The following EXT2 variants were observed in gnomAD, a reference collection of about 807,000 sequenced individuals.
EXT2 encodes the protein exostosin-2.
In EXT2, 53 loss-of-function variants were observed where a neutral mutation model predicts 81.6. The ratio of observed to expected loss-of-function variants is 0.65; its 90% confidence interval spans 0.52 to 0.82. EXT2 has a LOEUF of 0.82. EXT2 is among the 40% of genes least tolerant of loss of function. EXT2 has a pLI of 0.00. For missense variants in EXT2, 774 were observed against 910.2 expected (o/e 0.85, Z 1.93); for synonymous variants, 320 against 340.0 (o/e 0.94, Z 0.65).
intron 1 of EXT2, among the ~76,000 whole-genome samples, chr11:44,096,606 G>C (rs965583328): frequency 6.6e-6 from 1 of 152,122 alleles, no homozygotes; most frequent in Admixed American, 6.5e-5. Flanking sequence ...GTGTCGGGCC[G>C]GGGCCAGGGG....
intron 8 of EXT2, among the ~76,000 whole-genome samples, chr11:44,184,030 C>T (rs1590629124): frequency 2.0e-5 from 3 of 152,328 alleles, no homozygotes; most frequent in East Asian, 1.9e-4. Context: ...TGGAAATTCT[C>T]CCATCCTGGG....
intron 7 of EXT2, among the ~76,000 whole-genome samples, chr11:44,142,921 C>T (rs1954665027): frequency 6.6e-6 from 1 of 152,190 alleles, no homozygotes; most frequent in East Asian, 1.9e-4. Flanking sequence ...TATGATATAT[C>T]AGATATATAA....
At chr11:44,152,847 T>C (rs1019118500) in intron 7 of EXT2, among the ~76,000 whole-genome samples, 6 of 152,220 alleles carry the variant, frequency 3.9e-5, no homozygotes, top group African/African-American at 1.4e-4. Flanking sequence ...TATATTTATG[T>C]AGGTCTGTGT....
chr11:44,124,940 C>T lies in EXT2; in HGVS notation c.895C>T (p.Arg299Cys), dbSNP rs375468766. 6.2e-6 allele frequency: 10 copies of T among 1,613,592 alleles called. No homozygotes were observed. Among genetic ancestry groups the T allele is most frequent in the South Asian group, 3.3e-5 (3 of 91,060 alleles). Reference protein sequence around the residue: ...LSEGVLSVRKRCHKHQVFDYP... With the variant: ...LSEGVLSVRKCCHKHQVFDYP... ...AGAGGGTGTCCTTTCTGTCCGTAAG[C>T]GCTGCCACAAGCACCAGGTCTTCGA... The change falls in exon 5 of 14, where the codon CGC becomes TGC. Residue 299 changes from arginine (R) to cysteine (C), a missense_variant. Arg to Cys is a radical substitution (Grantham distance 180). Transcript: ENST00000533608.
At chr11:44,119,147 T>TATATATATATATATATATATAC (rs1954272587) in intron 4 of EXT2, among the ~76,000 whole-genome samples, 1 of 49,404 alleles carries the variant, frequency 2.0e-5, no homozygotes. Context: ...TATATATATA[T>TATATATATATATATATATATAC]ATATATATAT....
rs77554103 is a variant in EXT2, at chr11:44,244,343, G to A, written c.*56G>A. 5.5e-3 allele frequency: 8,681 copies of A among 1,592,502 alleles called. 258 individuals carry two copies. The East Asian group carries it at 0.075, about 14-fold the overall frequency. On this transcript the variant is annotated 3_prime_UTR_variant, in exon 14 of 14. Transcript: ENST00000533608. ...GGCTGGGACAGAGGGAGAGAACAAG[G>A]CCTCCCAGCACTCTGATGTCAGAGT... is the stretch of plus-strand genomic sequence containing the variant.
chr11:44,171,929 G>A (rs1240176470), intron 8 of EXT2, 187 bp downstream of exon 8: 1 of 779,208 alleles, frequency 1.3e-6, no homozygotes, highest in Non-Finnish European at 2.1e-6. Context: ...AAAAAATACG[G>A]AAGCAGCAGC....
chr11:44,171,494 TCC>T lies in EXT2; in HGVS notation c.1174-115_1174-114del, dbSNP rs143831885. 7,526 of 1,505,320 alleles carry T rather than the reference TCC, an allele frequency of 5.0e-3. 141 individuals carry two copies. The highest frequency in any genetic ancestry group is 0.044 in the East Asian group (1,939 of 44,350). The allele number at this position is 1,505,320 out of a possible 1,614,324, so 93.2% of individuals were successfully genotyped here. A position where few individuals can be genotyped will look rare whatever the true frequency, so the allele number is the denominator to read the frequency against. On this transcript the variant is annotated intron_variant, in intron 7 of 13. Transcript: ENST00000533608. ...GGAGCATATGCCCTAGGCACCCCCA[TCC>T]CTACAACTTTGGGAATAAAGGAATT...
chr11:44,169,125 C>G (rs2135122432), intron 7 of EXT2, among the ~76,000 whole-genome samples: 1 of 152,140 alleles, frequency 6.6e-6, no homozygotes, highest in East Asian at 1.9e-4. Context: ...GAGGCTGAGG[C>G]AGGAGAATCG....
intron 7 of EXT2, among the ~76,000 whole-genome samples, chr11:44,135,293 G>A (rs929420980): frequency 6.6e-6 from 1 of 152,098 alleles, no homozygotes; most frequent in African/African-American, 2.4e-5. Flanking sequence ...GTAGTAGTTT[G>A]GAAGAGACAC....
chr11:44,215,970 G>A (rs75894227), intron 10 of EXT2, among the ~76,000 whole-genome samples: 10,790 of 150,822 alleles, frequency 0.072, 400 homozygotes, highest in Middle Eastern at 0.15. Context: ...TCCGCTTCCC[G>A]GGTTCACGCC....
rs121918280 is a variant in EXT2, at chr11:44,114,237, G to A, written c.679G>A (p.Asp227Asn). The A allele has an allele frequency of 3.1e-6, 5 of 1,613,984 alleles. No individual in the cohort carries two copies. The highest frequency in any genetic ancestry group is 1.3e-5 in the African/African-American group (1 of 74,898). Residue 227 changes from aspartate to asparagine, a missense_variant, in exon 4 of 14, where the codon GAT (aspartate) becomes AAT (asparagine). Physicochemically the swap from Asp to Asn is conservative, Grantham distance 23. Around this residue, in one of 2 missense-constraint regions of EXT2, gnomAD observed 626 missense variants for 670.5 expected, o/e 0.93. Transcript: ENST00000533608. ...FSTWTYRQGY[D>N]VSIPVYSPLS... ...TACGTGGACTTACCGGCAAGGCTACGATGTCAGCATTCCTGTCTATAGTCC... is the reference window on the plus strand; with the variant it reads ...TACGTGGACTTACCGGCAAGGCTACAATGTCAGCATTCCTGTCTATAGTCC...
Position 44,141,323 on chromosome 11 carries a change from A to G in EXT2, c.1173+11185A>G, listed in dbSNP as rs145466887. ...TACAGGCACAGTTTTTTTTCCGAAT[A>G]TTTTTGATCTGTGATTGGTTGAATC... is the stretch of plus-strand genomic sequence containing the variant. On this transcript the variant is annotated intron_variant, in intron 7 of 13. Transcript: ENST00000533608. 7.9e-3 allele frequency among the ~76,000 whole-genome samples: 1,208 copies of G among 152,290 alleles called. 21 individuals carry two copies. The highest frequency in any genetic ancestry group is 0.027 in the African/African-American group (1,124 of 41,556).
In EXT2 at chr11:44,109,303, C is replaced by T. The variant is rs1388711189; in HGVS notation, c.626+20C>T. The T allele has an allele frequency of 6.3e-7, 1 of 1,597,884 alleles. No individual in the cohort carries two copies. The highest frequency in any genetic ancestry group is 8.6e-7 in the Non-Finnish European group (1 of 1,165,464). ...AGACAGGTAGGAGGCATATTTGGGGCTGTCCTTATGATGGGTTCAAGATCA... is the reference window on the plus strand; with the variant it reads ...AGACAGGTAGGAGGCATATTTGGGGTTGTCCTTATGATGGGTTCAAGATCA... On this transcript the variant is annotated intron_variant, in intron 3 of 13. Transcript: ENST00000533608.
rs111320923 is a variant in EXT2 at position 44,124,888 on chromosome 11, A to G, written c.843A>G (p.Leu281=). 7.4e-5 allele frequency: 120 copies of G among 1,614,120 alleles called. No individual in the cohort carries two copies. The African/African-American group carries it at 1.1e-3, about 14-fold the overall frequency. The change falls in exon 5 of 14, where the codon TTA becomes TTG. Residue 281 remains leucine, a synonymous_variant. Coordinates refer to ENST00000533608, the MANE Select transcript of EXT2 (RefSeq NM_207122.2). Reference sequence around the variant, plus strand: ...AGGTCAAACATGGAGAGTCAGTGTTAGTACTCGATAAATGCACCAACCTCT... The same window carrying G: ...AGGTCAAACATGGAGAGTCAGTGTTGGTACTCGATAAATGCACCAACCTCT... ...ALQVKHGESV[L]VLDKCTNLSE...
chr11:44,245,456 C>A lies in EXT2; in HGVS notation c.*1169C>A, dbSNP rs189837855. ...CATGTGTGAATTATACCTCTTTAAG[C>A]CCAGTTGATGAACAAATCTACCCTG... On this transcript the variant is annotated 3_prime_UTR_variant, in exon 14 of 14. Coordinates refer to ENST00000533608, the MANE Select transcript of EXT2 (RefSeq NM_207122.2). The A allele has an allele frequency of 1.5e-4, 28 of 185,228 alleles. No homozygotes were observed. Among genetic ancestry groups the A allele is most frequent in the Admixed American group, 8.7e-4 (14 of 16,066 alleles). The allele number at this position is 185,228 out of a possible 1,614,324, so 11.5% of individuals were successfully genotyped here. A position where few individuals can be genotyped will look rare whatever the true frequency, so the allele number is the denominator to read the frequency against.
intron 4 of EXT2, chr11:44,116,325 T>A (rs1350771857): frequency 6.6e-6 from 1 of 152,262 alleles, no homozygotes; most frequent in Non-Finnish European, 1.5e-5. Context: ...CAAGGCTTAT[T>A]CATGTAATAG....
rs75508230 is a variant in EXT2, at chr11:44,228,125, G to A, written c.1663-4228G>A. ...GCTAAGTCCCTAACTTAGGCATAGAGTTTTTTATAACAGAGATAGGCTTCT... is the reference window on the plus strand; with the variant it reads ...GCTAAGTCCCTAACTTAGGCATAGAATTTTTTATAACAGAGATAGGCTTCT... On this transcript the variant is annotated intron_variant, in intron 10 of 13. Transcript: ENST00000533608. 6.8e-3 allele frequency among the ~76,000 whole-genome samples: 1,038 copies of A among 152,300 alleles called. 10 individuals are homozygous for A. The highest frequency in any genetic ancestry group is 0.024 in the African/African-American group (1,000 of 41,552).
intron 7 of EXT2, among the ~76,000 whole-genome samples, chr11:44,155,525 G>T: frequency 6.6e-6 from 1 of 151,642 alleles, no homozygotes. Flanking sequence ...TTACCATGAG[G>T]CTTACAAATA....
Sources: gnomAD v4.1 joint callset for allele counts (sites outside exome capture counted in the v4.1 genomes callset) on GRCh38, gnomAD v4.1.1 for gene constraint, gnomAD v4.1.1 regional missense constraint, MANE v1.5 for transcripts, NCBI Gene and HGNC (gene_info 2026-07-23, HGNC 2026-07-21) for gene names.